RANBP2: variants seen among roughly 807,000 people sequenced by gnomAD.
The protein encoded by RANBP2 is RAN binding protein 2.
In RANBP2, 57 loss-of-function variants were observed where a neutral mutation model predicts 303.6. The observed-to-expected ratio is 0.19, with a 90% confidence interval of 0.15 to 0.23. RANBP2 has a LOEUF of 0.23. RANBP2 is among the 10% of genes least tolerant of loss of function. The pLI is 1.00. For missense variants in RANBP2, 3,138 were observed against 3,780.8 expected, an observed-to-expected ratio of 0.83 and a Z score of 4.46; for synonymous variants, 1,167 against 1,301.5, an observed-to-expected ratio of 0.90 and a Z score of 2.23.
intron 8 of RANBP2, among the ~76,000 whole-genome samples, chr2:108,748,158 C>T (rs916432128): frequency 1.2e-4 from 18 of 151,628 alleles, no homozygotes; most frequent in African/African-American, 3.1e-4. Context: ...TGATTGCTTA[C>T]TGTAAACCTA....
At chr2:109,379,771 C>T in the RANBP2 span, among the ~76,000 whole-genome samples, 41,855 of 151,918 alleles carry the variant, frequency 0.28, 6,712 homozygotes, top group Non-Finnish European at 0.37. Flanking sequence ...TAAAGCCCTC[C>T]TGCAGGTGAA....
the RANBP2 span, among the ~76,000 whole-genome samples, chr2:109,084,219 G>GT: frequency 6.6e-6 from 1 of 152,144 alleles, no homozygotes; most frequent in Non-Finnish European, 1.5e-5. Flanking sequence ...AACTAACTAG[G>GT]TACCAGCATG....
At chr2:108,856,665 T>C in the RANBP2 span, 1 of 792,570 alleles carries the variant, frequency 1.3e-6, no homozygotes, top group Non-Finnish European at 2.0e-6. Context: ...ATTTAGACTG[T>C]GATCTCTTAT....
chr2:109,291,033 C>T, the RANBP2 span, among the ~76,000 whole-genome samples: 1 of 152,218 alleles, frequency 6.6e-6, no homozygotes, highest in Non-Finnish European at 1.5e-5. Flanking sequence ...GTCATACATT[C>T]TCATGTGCTG....
chr2:109,445,793 C>A, the RANBP2 span, among the ~76,000 whole-genome samples: 2 of 152,136 alleles, frequency 1.3e-5, no homozygotes, highest in African/African-American at 4.8e-5. Context: ...TCCATTTCAT[C>A]CCTGAAGTGG....
chr2:109,076,188 A>G, the RANBP2 span, among the ~76,000 whole-genome samples: 1 of 150,770 alleles, frequency 6.6e-6, no homozygotes, highest in Non-Finnish European at 1.5e-5. Flanking sequence ...AAAGATTAAA[A>G]AAAAATGACC....
At chr2:109,254,806 G>A in the RANBP2 span, among the ~76,000 whole-genome samples, 3 of 152,088 alleles carry the variant, frequency 2.0e-5, no homozygotes, top group African/African-American at 7.2e-5. Context: ...CAACAGATGG[G>A]TACTTCTAGG....
At chr2:109,248,877 TTCCTGTCCTTTCCTG>T in the RANBP2 span, among the ~76,000 whole-genome samples, 17 of 76,828 alleles carry the variant, frequency 2.2e-4, no homozygotes, top group Non-Finnish European at 3.6e-4. Flanking sequence ...TTCCTTTCCT[TTCCTGTCCTTTCCTG>T]TCCTGTCCTG....
At chr2:108,923,775 C>A in the RANBP2 span, among the ~76,000 whole-genome samples, 6 of 152,358 alleles carry the variant, frequency 3.9e-5, no homozygotes, top group African/African-American at 1.4e-4. Context: ...TGTGCCCCCA[C>A]ATGTAGGGCC....
chr2:109,069,892 A>C, the RANBP2 span, among the ~76,000 whole-genome samples: 3 of 152,208 alleles, frequency 2.0e-5, no homozygotes, highest in Non-Finnish European at 4.4e-5. Flanking sequence ...CTCTGTCCTC[A>C]TAACGCCTAT....
the RANBP2 span, among the ~76,000 whole-genome samples, chr2:109,352,646 C>T: frequency 1.3e-5 from 2 of 152,202 alleles, no homozygotes; most frequent in African/African-American, 4.8e-5. Context: ...GCTACTTTAC[C>T]CTGAAGTTAC....
chr2:109,487,206 T>C, the RANBP2 span, among the ~76,000 whole-genome samples: 1 of 152,196 alleles, frequency 6.6e-6, no homozygotes, highest in Non-Finnish European at 1.5e-5. Context: ...TCAGCCCAGA[T>C]CAGCCCTAAA....
chr2:109,635,744 C>G, the RANBP2 span, among the ~76,000 whole-genome samples: 1 of 152,236 alleles, frequency 6.6e-6, no homozygotes, highest in South Asian at 2.1e-4. Context: ...AAAGAATTCA[C>G]TTGAAAAATA....
chr2:109,667,404 T>C, the RANBP2 span: 4 of 415,518 alleles, frequency 9.6e-6, no homozygotes. Context: ...GAGACCAGAG[T>C]TATTCACGGC....
chr2:109,136,576 G>A, the RANBP2 span, among the ~76,000 whole-genome samples: 1 of 152,150 alleles, frequency 6.6e-6, no homozygotes, highest in African/African-American at 2.4e-5. Context: ...GCCCTTGATG[G>A]CTCTGCACAT....
At chr2:109,652,269 C>A in the RANBP2 span, among the ~76,000 whole-genome samples, 1 of 150,760 alleles carries the variant, frequency 6.6e-6, no homozygotes, top group Non-Finnish European at 1.5e-5. Context: ...GTCACTCAGT[C>A]TGGAGCGCAG....
the RANBP2 span, among the ~76,000 whole-genome samples, chr2:109,360,944 T>G: frequency 6.6e-6 from 1 of 152,238 alleles, no homozygotes; most frequent in South Asian, 2.1e-4. Context: ...TTTCTCGTAA[T>G]TAGGTGAACT....
chr2:109,186,473 G>A, the RANBP2 span, among the ~76,000 whole-genome samples: 1 of 152,244 alleles, frequency 6.6e-6, no homozygotes, highest in African/African-American at 2.4e-5. Context: ...ACCCGTGGGA[G>A]TTCAAGGTGT....
intron 22 of RANBP2, 89 bp from the exon 23 acceptor site, chr2:108,772,779 G>A (rs1677599244): frequency 2.2e-6 from 3 of 1,393,322 alleles, no homozygotes; most frequent in Non-Finnish European, 1.0e-6. Context: ...TTGTTACCTG[G>A]GTCTGTGGAT....
Sources: gnomAD v4.1 joint callset for allele counts (sites outside exome capture counted in the v4.1 genomes callset) on GRCh38, gnomAD v4.1.1 for gene constraint, MANE v1.5 for transcripts, NCBI Gene and HGNC (gene_info 2026-07-23, HGNC 2026-07-21) for gene names.